CDH13: variants seen among roughly 807,000 people sequenced by gnomAD.
The protein encoded by CDH13 is cadherin 13, also known as cadherin-13.
Under a neutral mutation model 63.8 loss-of-function variants are expected in CDH13, and 24 were observed. The ratio of observed to expected loss-of-function variants is 0.38; its 90% CI spans 0.27 to 0.53. The LOEUF is 0.53. Among genes scored for constraint, CDH13 ranks in the 20% least tolerant of loss-of-function variants. CDH13 has a pLI of 0.85. For missense variants in CDH13, 1,049 were observed against 903.1 expected, an observed-to-expected ratio of 1.16 and a Z score of -2.07; for synonymous variants, 503 against 355.3, an observed-to-expected ratio of 1.42 and a Z score of -4.67.
chr16:83,053,097 G>A (rs1274256948), intron 3 of CDH13, among the ~76,000 whole-genome samples: 2 of 152,122 alleles, frequency 1.3e-5, no homozygotes, highest in Non-Finnish European at 2.9e-5. Context: ...AATTAGAGTT[G>A]AATGAGATAA....
At chr16:82,628,619 G>A (rs1307737446) in intron 1 of CDH13, among the ~76,000 whole-genome samples, 2 of 152,172 alleles carry the variant, frequency 1.3e-5, no homozygotes, top group African/African-American at 4.8e-5. Context: ...GGACTGCCCA[G>A]TTATAGCTCC....
Position 83,796,428 on chromosome 16 carries a change from T to C in CDH13, c.*1398T>C, listed in dbSNP as rs1449880063. 6.6e-6 allele frequency: 1 copy of C among 152,266 alleles called. No homozygotes were observed. Among genetic ancestry groups the C allele is most frequent in the Non-Finnish European group, 1.5e-5 (1 of 68,042 alleles). The allele number at this position is 152,266 out of a possible 1,614,324, so 9.4% of individuals were successfully genotyped here. On this transcript the variant is annotated 3_prime_UTR_variant, in exon 14 of 14. Coordinates refer to ENST00000567109, the MANE Select transcript of CDH13 (RefSeq NM_001257.5). The stretch of plus-strand genomic sequence containing the variant: ...GCAATCTATGTTTGCACTTGTGCTT[T>C]CAGTTAGCCTTCTGTAGGAAGTAGA...
At chr16:82,814,058 A>C (rs1004911536) in intron 1 of CDH13, among the ~76,000 whole-genome samples, 1 of 152,054 alleles carries the variant, frequency 6.6e-6, no homozygotes, top group African/African-American at 2.4e-5. Context: ...CTTGACCCTG[A>C]GGGTTTTATA....
At chr16:83,471,058 G>C (rs2073439795) in intron 6 of CDH13, among the ~76,000 whole-genome samples, 1 of 151,924 alleles carries the variant, frequency 6.6e-6, no homozygotes, top group African/African-American at 2.4e-5. Context: ...TTTGACTTCT[G>C]CTTCCCTGTT....
At chr16:82,848,131 A>C (rs11640449) in intron 1 of CDH13, among the ~76,000 whole-genome samples, 45,070 of 152,134 alleles carry the variant, frequency 0.3, 7,473 homozygotes, top group Non-Finnish European at 0.38. Flanking sequence ...GCTCTTTGAG[A>C]AAGTTCATTG....
chr16:83,171,452 C>G, intron 4 of CDH13: 2 of 1,306,090 alleles, frequency 1.5e-6, no homozygotes, highest in South Asian at 2.5e-5. Context: ...CAAACCATAT[C>G]AAAAGCTTTT....
rs774928488 is a variant in CDH13, at chr16:83,678,436, G to A, written c.1513G>A (p.Asp505Asn). 3.7e-6 allele frequency: 6 copies of A among 1,613,906 alleles called. No homozygotes were observed. The highest frequency in any genetic ancestry group is 1.7e-5 in the Admixed American group (1 of 60,012). The part of the protein sequence containing the change: ...VLLTVNATDP[D>N]SLQHQTIRYS... Reference sequence around the variant, plus strand: ...GCTGACAGTGAATGCCACGGACCCCGACTCCCTGCAGCATCAAACCATCAG... The same window carrying A: ...GCTGACAGTGAATGCCACGGACCCCAACTCCCTGCAGCATCAAACCATCAG... Residue 505 changes from aspartate to asparagine, a missense_variant, in exon 10 of 14, where the codon GAC becomes AAC. Transcript: ENST00000567109.
rs144316541 is a variant in CDH13 at position 82,914,135 on chromosome 16, G to T, written c.157+55662G>T. On this transcript the variant is annotated intron_variant, in intron 2 of 13. Transcript: ENST00000567109. ...TAGCCATTATCTCCTTTCTTCTAGC[G>T]ATCTGACAAGGTCCTGCTAGATCCT... Among the ~76,000 whole-genome samples the T allele has an allele frequency of 2.3e-3, 344 of 152,164 alleles. 1 individual carries two copies. Among genetic ancestry groups the T allele is most frequent in the African/African-American group, 8.0e-3 (333 of 41,492 alleles).
chr16:82,714,828 G>A (rs2032244369), intron 1 of CDH13, among the ~76,000 whole-genome samples: 2 of 142,214 alleles, frequency 1.4e-5, no homozygotes, highest in African/African-American at 5.2e-5. Flanking sequence ...AAAACTGCCA[G>A]CAATGACCAG....
In CDH13 at chr16:83,032,156, C is replaced by A. The variant is rs765410639; in HGVS notation, c.304C>A (p.His102Asn). ...TCTGTTCGTCCATGCACGGACCCCC[C>A]ATGCGGAAGATATGGCAGAACTCGT... ...KTLFVHARTP[H>N]AEDMAELVIV... Residue 102 changes from histidine to asparagine, a missense_variant, in exon 3 of 14, where the codon CAT becomes AAT. Transcript: ENST00000567109. The A allele has an allele frequency of 3.7e-6, 6 of 1,613,646 alleles. No individual in the cohort carries two copies. Among genetic ancestry groups the A allele is most frequent in the Admixed American group, 1.7e-5 (1 of 59,976 alleles).
intron 1 of CDH13, among the ~76,000 whole-genome samples, chr16:82,801,527 T>C (rs545023972): frequency 6.6e-6 from 1 of 152,304 alleles, no homozygotes; most frequent in African/African-American, 2.4e-5. Context: ...TGCTCACAGA[T>C]GTGAAGCCAC....
At chr16:83,687,087 C>A (rs537036779) in intron 10 of CDH13, among the ~76,000 whole-genome samples, 3 of 152,226 alleles carry the variant, frequency 2.0e-5, no homozygotes, top group Admixed American at 6.5e-5. Context: ...GTGGTGCTTG[C>A]CTGTAGTCCC....
intron 2 of CDH13, among the ~76,000 whole-genome samples, chr16:82,925,654 A>C (rs1382218128): frequency 3.3e-5 from 5 of 152,224 alleles, no homozygotes; most frequent in South Asian, 4.1e-4. Flanking sequence ...ACATGTAGAC[A>C]TGATATTGGC....
chr16:83,128,776 T>C (rs540983224), intron 4 of CDH13, among the ~76,000 whole-genome samples: 3 of 152,220 alleles, frequency 2.0e-5, no homozygotes, highest in Non-Finnish European at 2.9e-5. Flanking sequence ...TTTTTACTTA[T>C]TACAGCTTCA....
intron 11 of CDH13, among the ~76,000 whole-genome samples, chr16:83,762,845 C>T (rs1914086464): frequency 1.3e-5 from 2 of 152,148 alleles, no homozygotes; most frequent in South Asian, 2.1e-4. Flanking sequence ...TCACAGAAGA[C>T]CTAAATGATG....
intron 2 of CDH13, among the ~76,000 whole-genome samples, chr16:82,861,028 G>A (rs1192710072): frequency 6.6e-6 from 1 of 152,176 alleles, no homozygotes; most frequent in East Asian, 1.9e-4. Context: ...AGTGAAGTGT[G>A]CTATCAAATT....
chr16:82,664,651 A>T (rs2150931865), intron 1 of CDH13, among the ~76,000 whole-genome samples: 1 of 152,272 alleles, frequency 6.6e-6, no homozygotes, highest in East Asian at 1.9e-4. Flanking sequence ...TCTAGATGTG[A>T]TTTGTTTTCT....
intron 1 of CDH13, among the ~76,000 whole-genome samples, chr16:82,682,075 C>T (rs142902714): frequency 2.0e-5 from 3 of 152,282 alleles, no homozygotes; most frequent in African/African-American, 7.2e-5. Flanking sequence ...TAATAGATAA[C>T]ATGTATTGAA....
chr16:83,779,237 T>C (rs1176235698), intron 11 of CDH13, among the ~76,000 whole-genome samples: 6 of 151,728 alleles, frequency 4.0e-5, no homozygotes, highest in African/African-American at 1.5e-4. Flanking sequence ...AAACCCCATC[T>C]GTACTAAAAC....
Sources: gnomAD v4.1 joint callset for allele counts (sites outside exome capture counted in the v4.1 genomes callset) on GRCh38, gnomAD v4.1.1 for gene constraint, MANE v1.5 for transcripts, NCBI Gene and HGNC (gene_info 2026-07-23, HGNC 2026-07-21) for gene names.